ZNF536: variants seen among roughly 807,000 people sequenced by gnomAD.
ZNF536 encodes the protein zinc finger protein 536.
Under a neutral mutation model 84.5 loss-of-function variants are expected in ZNF536, and 13 were observed. The observed-to-expected ratio is 0.15, with a 90% CI of 0.10 to 0.24. The LOEUF is 0.24. Among genes scored for constraint, ZNF536 ranks in the 10% least tolerant of loss-of-function variants. The pLI is 1.00. For missense variants in ZNF536, 1,536 were observed against 1,747.5 expected (o/e 0.88, Z 2.16); for synonymous variants, 811 against 742.5 (o/e 1.09, Z -1.50).
intron 4 of ZNF536, among the ~76,000 whole-genome samples, chr19:30,552,086 C>T (rs2045806819): frequency 6.6e-6 from 1 of 152,098 alleles, no homozygotes; most frequent in Non-Finnish European, 1.5e-5. Flanking sequence ...TGGCAAGAAG[C>T]ACAAGTGACA....
At chr19:30,306,452 A>G (rs2046346545) in intron 2 of ZNF536, among the ~76,000 whole-genome samples, 1 of 152,184 alleles carries the variant, frequency 6.6e-6, no homozygotes, top group Non-Finnish European at 1.5e-5. Context: ...ATGTATGTGT[A>G]TGTCTTGGGT....
At position 30,550,924 on chromosome 19, in the gene ZNF536, C is replaced by T. The variant is rs74555474; in HGVS notation, c.3895+1410C>T. Among the ~76,000 whole-genome samples the T allele has an allele frequency of 2.1e-3, 316 of 152,190 alleles. 2 individuals carry two copies. Among genetic ancestry groups the T allele is most frequent in the Admixed American group, 6.7e-3 (103 of 15,274 alleles). On this transcript the variant is annotated intron_variant, in intron 4 of 4. Transcript: ENST00000355537. ...GCCCCATTAACCACTACCCCCAGATCTATTTTTAGCCACATACAATTCATT... is the reference window on the plus strand; with the variant it reads ...GCCCCATTAACCACTACCCCCAGATTTATTTTTAGCCACATACAATTCATT...
At chr19:30,456,754 A>G (rs1203227481) in intron 2 of ZNF536, among the ~76,000 whole-genome samples, 2 of 151,954 alleles carry the variant, frequency 1.3e-5, no homozygotes, top group Non-Finnish European at 2.9e-5. Context: ...TGCAAAGATG[A>G]GTAGAGGCCG....
chr19:30,312,972 T>A (rs2046556602), intron 2 of ZNF536, among the ~76,000 whole-genome samples: 1 of 152,246 alleles, frequency 6.6e-6, no homozygotes, highest in Non-Finnish European at 1.5e-5. Flanking sequence ...GACATCATGA[T>A]GGCCACACTT....
Position 30,269,880 on chromosome 19 carries a change from C to T in ZNF536, c.-189-14192C>T, listed in dbSNP as rs868639916. Among the ~76,000 whole-genome samples the T allele has an allele frequency of 1.5e-4, 23 of 152,258 alleles. 2 individuals carry two copies. In the South Asian group the frequency reaches 1.9e-3, roughly 12 times the overall value. The stretch of plus-strand genomic sequence containing the variant: ...CCCAAACAGGAGCCAAAGGCAGTCC[C>T]GCTTCTAGCTGGTTCCAGTTTTCAG... On this transcript the variant is annotated intron_variant, in intron 1 of 5. Transcript: ENST00000585628.
intron 1 of ZNF536, among the ~76,000 whole-genome samples, chr19:30,379,230 T>C (rs2048928539): frequency 6.6e-6 from 1 of 152,158 alleles, no homozygotes; most frequent in Non-Finnish European, 1.5e-5. Flanking sequence ...CTCCCACTTT[T>C]GTTTGTGAGG....
At chr19:30,529,097 T>G (rs968884560) in intron 2 of ZNF536, among the ~76,000 whole-genome samples, 2 of 152,100 alleles carry the variant, frequency 1.3e-5, no homozygotes, top group Non-Finnish European at 2.9e-5. Flanking sequence ...GAGGAAAAGA[T>G]TCTGCCTCCT....
intron 3 of ZNF536, 86 bp downstream of exon 3, chr19:30,535,085 T>C: frequency 6.9e-7 from 1 of 1,452,088 alleles, no homozygotes; most frequent in Non-Finnish European, 9.3e-7. Flanking sequence ...GGTCCACAGC[T>C]GTGTGGGTCA....
chr19:30,416,796 A>T (rs2050751605), intron 1 of ZNF536, among the ~76,000 whole-genome samples: 1 of 152,048 alleles, frequency 6.6e-6, no homozygotes, highest in African/African-American at 2.4e-5. Flanking sequence ...GGTGATTCAT[A>T]TTCTTAGAGT....
At chr19:30,685,003 C>A (rs1277420153) in intron 1 of ZNF536, among the ~76,000 whole-genome samples, 2 of 152,306 alleles carry the variant, frequency 1.3e-5, no homozygotes, top group Non-Finnish European at 2.9e-5. Flanking sequence ...TCAGGCCACG[C>A]AAGTGAATTG....
intron 2 of ZNF536, among the ~76,000 whole-genome samples, chr19:30,322,370 T>G (rs1208064080): frequency 6.6e-6 from 1 of 152,210 alleles, no homozygotes; most frequent in Non-Finnish European, 1.5e-5. Flanking sequence ...TTTGGGTGAT[T>G]TCCTTAAGCC....
At chr19:30,574,859 A>G in intron 1 of ZNF536, among the ~76,000 whole-genome samples, 1 of 152,230 alleles carries the variant, frequency 6.6e-6, no homozygotes, top group East Asian at 1.9e-4. Context: ...GACTTCTGCT[A>G]AATCCTATTC....
chr19:30,418,482 T>C (rs1215860813), intron 1 of ZNF536, among the ~76,000 whole-genome samples: 1 of 152,194 alleles, frequency 6.6e-6, no homozygotes. Flanking sequence ...ACTTCTAGGG[T>C]TTTTTGTAAA....
chr19:30,582,944 A>G (rs990169977), intron 1 of ZNF536, among the ~76,000 whole-genome samples: 1 of 152,200 alleles, frequency 6.6e-6, no homozygotes, highest in African/African-American at 2.4e-5. Context: ...CAGCCAAACC[A>G]TATCAGATGT....
intron 1 of ZNF536, among the ~76,000 whole-genome samples, chr19:30,707,759 C>T (rs1354239435): frequency 6.6e-6 from 1 of 152,100 alleles, no homozygotes; most frequent in African/African-American, 2.4e-5. Flanking sequence ...TCTGTAATCC[C>T]AGCACTTTGG....
intron 1 of ZNF536, among the ~76,000 whole-genome samples, chr19:30,677,075 A>C (rs1462499094): frequency 4.6e-5 from 7 of 152,234 alleles, no homozygotes; most frequent in African/African-American, 1.7e-4. Context: ...AATTGAAGAA[A>C]GTTCTGAAGC....
chr19:30,355,997 G>A (rs186269588), intron 3 of ZNF536, among the ~76,000 whole-genome samples: 1 of 152,334 alleles, frequency 6.6e-6, no homozygotes, highest in Admixed American at 6.5e-5. Context: ...AAAGTGCAGA[G>A]ATTACACATG....
chr19:30,402,823 A>ATAT (rs71171802), intron 1 of ZNF536, among the ~76,000 whole-genome samples: 7 of 138,324 alleles, frequency 5.1e-5, no homozygotes, highest in African/African-American at 7.7e-5. Context: ...ATATATATAT[A>ATAT]ATTTTCAAAA....
chr19:30,548,465 T>C lies in ZNF536; in HGVS notation c.2846T>C (p.Val949Ala). The C allele has an allele frequency of 6.2e-7, 1 of 1,614,118 alleles. No homozygotes were observed. Among genetic ancestry groups the C allele is most frequent in the African/African-American group, 1.3e-5 (1 of 75,036 alleles). ...CTGGCTGACCCCCCTTCCATGAAAG[T>C]CCACGGAGTGGATGGTGGTGAGGAG... ...KALADPPSMKVHGVDGGEEKP... is the reference protein window; with the variant it reads ...KALADPPSMKAHGVDGGEEKP... Residue 949 changes from valine to alanine, a missense_variant, in exon 4 of 5, where the codon GTC (valine) becomes GCC (alanine). Val to Ala is a moderately conservative substitution (Grantham distance 64, BLOSUM62 0). Transcript: ENST00000355537.
Sources: allele counts gnomAD v4.1 joint callset (sites outside exome capture counted in the v4.1 genomes callset), GRCh38; gene constraint gnomAD v4.1.1; transcripts MANE v1.5; gene names NCBI Gene and HGNC (gene_info 2026-07-23, HGNC 2026-07-21).